GK: variants seen among roughly 807,000 people sequenced by gnomAD.
GK encodes the protein glycerol kinase.
GK carries 9 observed loss-of-function variants against 56.4 expected under a neutral mutation model. The observed-to-expected ratio is 0.16, with a 90% CI of 0.10 to 0.28. GK has a LOEUF of 0.28. Among genes scored for constraint, GK ranks in the 10% least tolerant of loss-of-function variants. GK has a pLI of 1.00. For synonymous variants in GK, 104 were observed against 144.1 expected, an observed-to-expected ratio of 0.72 and a Z score of 1.99; for missense variants, 161 against 431.4, an observed-to-expected ratio of 0.37 and a Z score of 5.55.
At chrX:30,661,002 C>T (rs1932723547) in intron 1 of GK, among the ~76,000 whole-genome samples, 1 of 108,779 alleles carries the variant, frequency 9.2e-6, no homozygotes, top group African/African-American at 3.4e-5. Flanking sequence ...TTAGTAGGGA[C>T]GGGGTTTCAC....
At chrX:30,655,193 CT>C (rs1384577889) in intron 1 of GK, among the ~76,000 whole-genome samples, 446 of 112,196 alleles carry the variant, frequency 4.0e-3, no homozygotes, top group Non-Finnish European at 6.9e-3. Context: ...TTCACTTTGT[CT>C]TATATTCATA....
In GK at chrX:30,696,661, C is replaced by A; in HGVS notation, c.707C>A (p.Ser236Tyr). ...GAAATTCTTCCAAATGTCCGGAGTTCTTCTGAGATCTATGGCCTAATGGTA... is the reference window on the plus strand; with the variant it reads ...GAAATTCTTCCAAATGTCCGGAGTTATTCTGAGATCTATGGCCTAATGGTA... ...PMEILPNVRS[S>Y]SEIYGLMKIS... The change falls in exon 8 of 21, where the codon TCT becomes TAT. Residue 236 changes from serine (S) to tyrosine (Y), a missense_variant. Ser to Tyr is a moderately radical substitution (Grantham distance 144). Transcript: ENST00000427190. 8.4e-7 allele frequency: 1 copy of A among 1,196,708 alleles called. No homozygotes were observed. Among genetic ancestry groups the A allele is most frequent in the Non-Finnish European group, 1.1e-6 (1 of 884,006 alleles).
chrX:30,682,715 T>C (rs780632992), intron 4 of GK, among the ~76,000 whole-genome samples: 1 of 112,244 alleles, frequency 8.9e-6, no homozygotes, highest in East Asian at 2.8e-4. Context: ...GGTTTTATAC[T>C]TTTTTCTCTG....
rs1601901014 is a variant in GK at position 30,683,849 on chromosome X, G to T, written c.337+6397G>T. Among the ~76,000 whole-genome samples, 6 of 112,154 alleles carry T rather than the reference G, an allele frequency of 5.3e-5. No individual in the cohort carries two copies. The South Asian group carries it at 2.2e-3, about 42-fold the overall frequency. On this transcript the variant is annotated intron_variant, in intron 4 of 20. Coordinates refer to ENST00000427190, the MANE Select transcript of GK (RefSeq NM_001205019.2). ...CATTTACAATAATGACCTCATTGGT[G>T]GATCAGCAAGAGCTTTGTGGCCCTG...
intron 5 of GK, among the ~76,000 whole-genome samples, chrX:30,693,684 G>C (rs955181525): frequency 9.0e-6 from 1 of 111,097 alleles, no homozygotes; most frequent in Admixed American, 9.6e-5. Flanking sequence ...AAGTAGCTGA[G>C]ATTGCAGGTG....
At chrX:30,713,542 C>T (rs1243380593) in intron 13 of GK, among the ~76,000 whole-genome samples, 1 of 111,670 alleles carries the variant, frequency 9.0e-6, no homozygotes. Context: ...AACTCTTTTT[C>T]TCTCCCTGAA....
chrX:30,702,047 ATTT>A (rs34088900), intron 11 of GK, among the ~76,000 whole-genome samples: 1 of 103,392 alleles, frequency 9.7e-6, no homozygotes. Context: ...ATTTTTATTT[ATTT>A]TTTTTTTTTG....
At chrX:30,714,408 G>T (rs977945223) in intron 13 of GK, among the ~76,000 whole-genome samples, 1 of 111,425 alleles carries the variant, frequency 9.0e-6, no homozygotes, top group Non-Finnish European at 1.9e-5. Context: ...CTGCTTCCAG[G>T]TTCATTCAGG....
At chrX:30,688,751 C>T (rs758373641) in intron 4 of GK, among the ~76,000 whole-genome samples, 1 of 111,454 alleles carries the variant, frequency 9.0e-6, no homozygotes, top group East Asian at 2.8e-4. Context: ...AAATGGGGCA[C>T]CTATTTAAAA....
At chrX:30,699,921 T>G (rs1935552794) in intron 9 of GK, 1 of 114,576 alleles carries the variant, frequency 8.7e-6, no homozygotes, top group African/African-American at 3.2e-5. Flanking sequence ...CTCTTGTGTT[T>G]AGAGCAGCTT....
At chrX:30,697,456 C>G (rs1275591524) in intron 8 of GK, among the ~76,000 whole-genome samples, 2 of 111,828 alleles carry the variant, frequency 1.8e-5, no homozygotes, top group African/African-American at 3.2e-5. Flanking sequence ...CTGGATAAAG[C>G]TTGAGCAAGA....
At chrX:30,686,335 A>G (rs928491091) in intron 4 of GK, among the ~76,000 whole-genome samples, 1 of 112,481 alleles carries the variant, frequency 8.9e-6, no homozygotes, top group African/African-American at 3.2e-5. Context: ...CTGTTTTACT[A>G]TCATGTCTCT....
At chrX:30,723,713 C>T in intron 18 of GK, 1 of 217,055 alleles carries the variant, frequency 4.6e-6, no homozygotes. Flanking sequence ...ACCTCCACCT[C>T]CCAGGCTCAA....
intron 4 of GK, among the ~76,000 whole-genome samples, chrX:30,684,317 A>G (rs953786104): frequency 2.7e-5 from 3 of 112,141 alleles, no homozygotes; most frequent in African/African-American, 9.7e-5. Flanking sequence ...ATAGAGCAAT[A>G]TGACCCTCAC....
intron 4 of GK, among the ~76,000 whole-genome samples, chrX:30,679,994 AC>A (rs1211752993): frequency 2.7e-5 from 3 of 111,806 alleles, no homozygotes; most frequent in Non-Finnish European, 3.8e-5. Flanking sequence ...ATTTTAGCAT[AC>A]TTTTCACAGT....
At chrX:30,694,661 C>T in intron 6 of GK, 124 bp downstream of exon 6, 1 of 556,096 alleles carries the variant, frequency 1.8e-6, no homozygotes, top group Non-Finnish European at 3.0e-6. Flanking sequence ...AAAAACCACT[C>T]AAAAAGCAAC....
intron 4 of GK, chrX:30,687,712 C>A: frequency 3.1e-6 from 1 of 318,071 alleles, no homozygotes; most frequent in South Asian, 2.9e-5. Context: ...TCTGTCATTC[C>A]TTTTGATTGT....
chrX:30,691,957 A>G (rs1934957178), intron 5 of GK, among the ~76,000 whole-genome samples: 1 of 111,355 alleles, frequency 9.0e-6, no homozygotes, highest in South Asian at 3.8e-4. Flanking sequence ...CAGTCCTTGT[A>G]TAGATCCCTC....
rs186931709 is a variant in GK at position 30,675,265 on chromosome X, G to A, written c.260-2110G>A. ...GGCAGGAGTGCAGTGGCCCGATTTCGGCTCACTGCAAGCTCCGCCTCCCAG... is the reference window on the plus strand; with the variant it reads ...GGCAGGAGTGCAGTGGCCCGATTTCAGCTCACTGCAAGCTCCGCCTCCCAG... On this transcript the variant is annotated intron_variant, in intron 3 of 20. Coordinates refer to ENST00000427190, the MANE Select transcript of GK (RefSeq NM_001205019.2). 4.0e-3 allele frequency among the ~76,000 whole-genome samples: 421 copies of A among 105,248 alleles called. 1 individual carries two copies. The highest frequency in any genetic ancestry group is 0.014 in the African/African-American group (392 of 28,759). The allele number at this position is 105,248 out of a possible 115,157, so 91.4% of individuals were successfully genotyped here. A position where few individuals can be genotyped will look rare whatever the true frequency, so the allele number is the denominator to read the frequency against.
Sources: allele counts gnomAD v4.1 joint callset (sites outside exome capture counted in the v4.1 genomes callset), GRCh38; gene constraint gnomAD v4.1.1; transcripts MANE v1.5; gene names NCBI Gene and HGNC (gene_info 2026-07-23, HGNC 2026-07-21).